The following SIDT1 variants were observed in gnomAD, a reference collection of about 807,000 sequenced individuals.
SIDT1 encodes the protein SID1 transmembrane family member 1, also known as SID1 transmembrane family, member 1.
In SIDT1, 101 loss-of-function variants were observed where a neutral mutation model predicts 107.5. That is an observed-to-expected ratio of 0.94 (90% CI 0.80 to 1.11). The LOEUF is 1.11. Ranked by LOEUF, SIDT1 falls within the 50% of genes least tolerant of loss-of-function variation. The pLI, the probability that SIDT1 is intolerant of heterozygous loss-of-function variation, is 0.00. For synonymous variants in SIDT1, 395 were observed against 398.2 expected (o/e 0.99, Z 0.10); for missense variants, 1,076 against 1,058.2 (o/e 1.02, Z -0.23).
At chr3:113,634,509 G>C (rs368438466), downstream of SIDT1, among the ~76,000 whole-genome samples, 24 of 152,028 alleles carry the variant, frequency 1.6e-4, no homozygotes, top group African/African-American at 5.8e-4. Context: ...ATATAAAAAA[G>C]GTATGGCCCG....
At chr3:113,604,177 C>T (rs1484861818) in intron 13 of SIDT1, 144 bp downstream of exon 13, 10 of 575,984 alleles carry the variant, frequency 1.7e-5, no homozygotes, top group Non-Finnish European at 9.0e-6. Flanking sequence ...TATCAGTAGA[C>T]CTGCAATGGC....
At chr3:113,585,497 C>T (rs1943678282) in intron 9 of SIDT1, among the ~76,000 whole-genome samples, 1 of 152,054 alleles carries the variant, frequency 6.6e-6, no homozygotes, top group Non-Finnish European at 1.5e-5. Context: ...ACAACTGCAG[C>T]TTTTATATCA....
chr3:113,594,944 G>C (rs1262328071), intron 10 of SIDT1: 1 of 154,324 alleles, frequency 6.5e-6, no homozygotes, highest in Non-Finnish European at 1.5e-5. Context: ...ATGGGTCAAG[G>C]CTCACACCTT....
At chr3:113,550,428 A>G (rs1229920628) in intron 1 of SIDT1, among the ~76,000 whole-genome samples, 2 of 152,218 alleles carry the variant, frequency 1.3e-5, no homozygotes, top group African/African-American at 4.8e-5. Context: ...GTTTTTCTAT[A>G]GAGTTCCAGT....
downstream of SIDT1, among the ~76,000 whole-genome samples, chr3:113,629,780 G>A (rs150208664): frequency 1.8e-3 from 277 of 152,286 alleles, no homozygotes; most frequent in Non-Finnish European, 3.1e-3. Flanking sequence ...AGGAAAGGGT[G>A]GACTGTGCTG....
rs1943653553 is a variant in SIDT1 at position 113,585,203 on chromosome 3, T to C, written c.934T>C (p.Phe312Leu). 1 of 1,613,608 alleles carries C rather than the reference T, an allele frequency of 6.2e-7. No homozygotes were observed. The highest frequency in any genetic ancestry group is 1.3e-5 in the African/African-American group (1 of 74,894). ...KESVYVKSSL[F>L]SVFIFLSFYL... Reference sequence around the variant, plus strand: ...ATCTGTTTATGTGAAATCCAGTCTTTTCAGTGTCTTCATCTTCCTGTCCTT... The same window carrying C: ...ATCTGTTTATGTGAAATCCAGTCTTCTCAGTGTCTTCATCTTCCTGTCCTT... The change falls in exon 9 of 25, where the codon TTC (phenylalanine) becomes CTC (leucine). Residue 312 changes from phenylalanine to leucine, a missense_variant. Physicochemically the swap from Phe to Leu is conservative, Grantham distance 22. Transcript: ENST00000264852.
chr3:113,582,678 A>G (rs73853728), intron 6 of SIDT1, among the ~76,000 whole-genome samples: 3,532 of 152,114 alleles, frequency 0.023, 104 homozygotes, highest in African/African-American at 0.072. Flanking sequence ...AGAGGTTGCA[A>G]TGAGCCGAGA....
At chr3:113,626,960 C>T (rs937051764) in intron 24 of SIDT1, among the ~76,000 whole-genome samples, 1 of 152,096 alleles carries the variant, frequency 6.6e-6, no homozygotes, top group Non-Finnish European at 1.5e-5. Flanking sequence ...GCAGGGCTAT[C>T]CTCTAGTGGC....
chr3:113,597,670 C>A (rs1254281135), intron 10 of SIDT1, among the ~76,000 whole-genome samples: 1 of 152,176 alleles, frequency 6.6e-6, no homozygotes, highest in Non-Finnish European at 1.5e-5. Context: ...TTTCTCCTCA[C>A]ATAAGGCATT....
intron 1 of SIDT1, among the ~76,000 whole-genome samples, chr3:113,541,634 G>T (rs72950850): frequency 0.042 from 6,422 of 152,204 alleles, 259 homozygotes; most frequent in African/African-American, 0.11. Flanking sequence ...ACCAATCTGA[G>T]ACTTCAGGGA....
intron 2 of SIDT1, 133 bp downstream of exon 2, chr3:113,566,674 C>A: frequency 1.0e-6 from 1 of 978,454 alleles, no homozygotes; most frequent in Non-Finnish European, 1.5e-6. Flanking sequence ...ATACGGGGTG[C>A]AAATAATGAT....
chr3:113,622,816 T>G (rs1946557346), intron 21 of SIDT1, among the ~76,000 whole-genome samples: 1 of 152,166 alleles, frequency 6.6e-6, no homozygotes, highest in Non-Finnish European at 1.5e-5. Context: ...AAGATGATTG[T>G]TTACATTGCA....
Position 113,623,607 on chromosome 3 carries a change from G to C in SIDT1, c.2197-16G>C, listed in dbSNP as rs1398724187. On this transcript the variant is annotated splice_polypyrimidine_tract_variant and intron_variant, in intron 22 of 24. Transcript: ENST00000264852. The stretch of plus-strand genomic sequence containing the variant: ...GGCGGGGTCGCGTGAGGCCGCATCT[G>C]CTTCTCCTCCCACAGCTCCGCAGCT... 1.9e-6 allele frequency: 3 copies of C among 1,609,226 alleles called. No individual in the cohort carries two copies. The highest frequency in any genetic ancestry group is 3.3e-5 in the Admixed American group (2 of 60,022).
At chr3:113,546,441 TC>T (rs1415555825) in intron 1 of SIDT1, among the ~76,000 whole-genome samples, 4 of 152,188 alleles carry the variant, frequency 2.6e-5, no homozygotes, top group African/African-American at 9.7e-5. Context: ...TTATTTTGTT[TC>T]CATCCACTCC....
intron 21 of SIDT1, among the ~76,000 whole-genome samples, chr3:113,620,976 C>T (rs1946426521): frequency 6.6e-6 from 1 of 152,110 alleles, no homozygotes; most frequent in Admixed American, 6.5e-5. Context: ...AACAAAAGGG[C>T]CTCTAGGGAT....
At chr3:113,601,950 C>T (rs17325633) in intron 11 of SIDT1, 60,291 of 297,574 alleles carry the variant, frequency 0.2, 6,562 homozygotes, top group Non-Finnish European at 0.21. Context: ...ATATCCAGCC[C>T]GGGTTTAGGG....
At position 113,567,675 on chromosome 3, in the gene SIDT1, A is replaced by C; in HGVS notation, c.480A>C (p.Lys160Asn). 1 of 1,613,968 alleles carries C rather than the reference A, an allele frequency of 6.2e-7. No individual in the cohort carries two copies. Among genetic ancestry groups the C allele is most frequent in the South Asian group, 1.1e-5 (1 of 91,050 alleles). ...TGGCACCCCTGGGTGCTCAGTACAA[A>C]CTGCTAGTTACCAAGCTGAAGCACT... Reference protein sequence around the residue: ...ASMAPLGAQYKLLVTKLKHFQ... With the variant: ...ASMAPLGAQYNLLVTKLKHFQ... The change falls in exon 3 of 25, where the codon AAA (lysine) becomes AAC (asparagine). Residue 160 changes from lysine to asparagine, a missense_variant. Physicochemically the swap from Lys to Asn is moderately conservative, Grantham distance 94. Transcript: ENST00000264852.
At chr3:113,636,250 T>G in the SIDT1 span, among the ~76,000 whole-genome samples, 3 of 151,698 alleles carry the variant, frequency 2.0e-5, no homozygotes, top group African/African-American at 7.3e-5. Context: ...ACTAAAAATA[T>G]ATAATTAGCT....
intron 1 of SIDT1, 149 bp from the exon 2 acceptor site, chr3:113,566,271 C>T (rs1204250346): frequency 1.4e-6 from 1 of 697,846 alleles, no homozygotes. Context: ...TCATGAGAAG[C>T]AAATATCAGA....
Sources: allele counts gnomAD v4.1 joint callset (sites outside exome capture counted in the v4.1 genomes callset), GRCh38; gene constraint gnomAD v4.1.1; transcripts MANE v1.5; gene names NCBI Gene and HGNC (gene_info 2026-07-23, HGNC 2026-07-21).